The following PRKCA variants were observed in gnomAD, a reference collection of about 807,000 sequenced individuals.
The protein encoded by PRKCA is protein kinase C alpha type.
A neutral mutation model predicts 87.0 loss-of-function variants in PRKCA; 27 were observed. The ratio of observed to expected loss-of-function variants is 0.31; its 90% CI spans 0.23 to 0.43. The LOEUF (loss-of-function observed/expected upper bound fraction) is 0.43, where lower values mean the gene tolerates loss of function less well. Ranked by LOEUF, PRKCA falls within the 20% of genes least tolerant of loss-of-function variation. The pLI is 1.00. For synonymous variants in PRKCA, 329 were observed against 311.1 expected, an observed-to-expected ratio of 1.06 and a Z score of -0.61; for missense variants, 518 against 852.3, an observed-to-expected ratio of 0.61 and a Z score of 4.88.
chr17:66,671,596 G>A (rs931848620), intron 5 of PRKCA, among the ~76,000 whole-genome samples: 3 of 150,170 alleles, frequency 2.0e-5, no homozygotes, highest in African/African-American at 4.9e-5. Context: ...AAAGTTCAGC[G>A]ATATCCTATG....
intron 1 of PRKCA, among the ~76,000 whole-genome samples, chr17:66,303,486 G>A (rs1254855257): frequency 1.0e-5 from 1 of 95,938 alleles, no homozygotes; most frequent in Admixed American, 1.1e-4. Context: ...GGCGAGCCAG[G>A]CTGGGCGCGT....
Position 66,641,392 on chromosome 17 carries a change from A to C in PRKCA, c.326A>C (p.Tyr109Ser). The change falls in exon 4 of 17, where the codon TAC becomes TCC. Residue 109 changes from tyrosine (Y) to serine (S), a missense_variant. Transcript: ENST00000413366. ...RSKHKFKIHT[Y>S]GSPTFCDHCG... ...AAGCACAAGTTCAAAATCCACACTT[A>C]CGGAAGCCCCACCTTCTGCGATCAC... is the stretch of plus-strand genomic sequence containing the variant. The C allele has an allele frequency of 6.2e-7, 1 of 1,612,646 alleles. No individual in the cohort carries two copies. The highest frequency in any genetic ancestry group is 8.5e-7 in the Non-Finnish European group (1 of 1,179,206).
intron 2 of PRKCA, among the ~76,000 whole-genome samples, chr17:66,442,998 G>A (rs900436508): frequency 1.3e-5 from 2 of 152,106 alleles, no homozygotes; most frequent in African/African-American, 2.4e-5. Flanking sequence ...CCTGGCCATC[G>A]TCCCTTTTTT....
intron 3 of PRKCA, among the ~76,000 whole-genome samples, chr17:66,607,389 C>T (rs1360859010): frequency 6.6e-6 from 1 of 152,212 alleles, no homozygotes; most frequent in Admixed American, 6.5e-5. Flanking sequence ...CTTTTAAAAG[C>T]TTGTCCTTTT....
At chr17:66,796,805 G>A (rs1030031969) in intron 16 of PRKCA, 20 of 985,188 alleles carry the variant, frequency 2.0e-5, no homozygotes, top group East Asian at 1.1e-4. Context: ...TTGCTAAGGC[G>A]CTCCACTGTA....
intron 6 of PRKCA, among the ~76,000 whole-genome samples, chr17:66,687,490 A>C (rs1478665188): frequency 1.3e-5 from 2 of 152,206 alleles, no homozygotes; most frequent in Non-Finnish European, 2.9e-5. Context: ...GATTATTATT[A>C]TCTAATCTGG....
chr17:66,672,357 T>G (rs762794601), intron 5 of PRKCA, among the ~76,000 whole-genome samples: 4 of 152,198 alleles, frequency 2.6e-5, no homozygotes, highest in Admixed American at 6.5e-5. Context: ...GGAAAAAAAA[T>G]TTAACCTCAA....
At chr17:66,478,931 A>T (rs144122022) in intron 2 of PRKCA, among the ~76,000 whole-genome samples, 61 of 152,228 alleles carry the variant, frequency 4.0e-4, no homozygotes, top group African/African-American at 1.4e-3. Context: ...TCTGGAAGAC[A>T]ACCTAGGCAA....
chr17:66,374,895 T>A lies in PRKCA; in HGVS notation c.205+68768T>A, dbSNP rs562716930. 2.0e-5 allele frequency among the ~76,000 whole-genome samples: 3 copies of A among 151,908 alleles called. No individual in the cohort carries two copies. In the East Asian group the frequency reaches 5.8e-4, roughly 30 times the overall value. On this transcript the variant is annotated intron_variant, in intron 2 of 16. Transcript: ENST00000413366. ...GGCACTTGCCACCATGCCTGGCCAA[T>A]TTTTTATTTGTATTTTTAGTAGAGA...
intron 3 of PRKCA, among the ~76,000 whole-genome samples, chr17:66,558,081 C>T (rs150738083): frequency 9.5e-4 from 145 of 152,346 alleles, no homozygotes; most frequent in African/African-American, 3.4e-3. Context: ...CTAGCCAATA[C>T]GGGAATAGCT....
At chr17:66,474,852 G>A (rs1009564375) in intron 2 of PRKCA, among the ~76,000 whole-genome samples, 4 of 152,172 alleles carry the variant, frequency 2.6e-5, no homozygotes, top group African/African-American at 9.7e-5. Flanking sequence ...GCTTTCACCA[G>A]TATTCACATG....
At chr17:66,730,688 T>C (rs1328162885) in intron 8 of PRKCA, among the ~76,000 whole-genome samples, 1 of 152,246 alleles carries the variant, frequency 6.6e-6, no homozygotes, top group African/African-American at 2.4e-5. Flanking sequence ...TTGTTGATTT[T>C]GGCGGGTTTT....
intron 2 of PRKCA, among the ~76,000 whole-genome samples, chr17:66,309,095 A>C (rs1266580384): frequency 6.6e-6 from 1 of 152,184 alleles, no homozygotes; most frequent in Non-Finnish European, 1.5e-5. Context: ...TTTGGTTAGT[A>C]GGTAAAATAT....
At chr17:66,747,356 C>CTT (rs1252463145) in intron 13 of PRKCA, among the ~76,000 whole-genome samples, 1 of 152,242 alleles carries the variant, frequency 6.6e-6, no homozygotes, top group African/African-American at 2.4e-5. Context: ...CAGGCCTGAG[C>CTT]CACTGTGCCC....
At chr17:66,640,530 A>T (rs1393061980) in intron 3 of PRKCA, among the ~76,000 whole-genome samples, 1 of 152,172 alleles carries the variant, frequency 6.6e-6, no homozygotes, top group East Asian at 1.9e-4. Context: ...AATACTTTGG[A>T]GATGGTGCAG....
chr17:66,381,391 G>A (rs1350744855), intron 2 of PRKCA, among the ~76,000 whole-genome samples: 1 of 152,158 alleles, frequency 6.6e-6, no homozygotes, highest in Non-Finnish European at 1.5e-5. Flanking sequence ...TTGTTTGGAT[G>A]GATGACCTGT....
chr17:66,645,324 T>G (rs1971421935), intron 4 of PRKCA, 59 bp from the exon 5 acceptor site: 1 of 1,609,882 alleles, frequency 6.2e-7, no homozygotes, highest in African/African-American at 1.3e-5. Flanking sequence ...ACCAAAACAC[T>G]GAGGAGCGGT....
intron 2 of PRKCA, among the ~76,000 whole-genome samples, chr17:66,447,996 A>G (rs1341794163): frequency 6.6e-6 from 1 of 152,164 alleles, no homozygotes; most frequent in Non-Finnish European, 1.5e-5. Flanking sequence ...GTGGGTATCG[A>G]CAGGTAAGAC....
chr17:66,341,357 G>A (rs1180115099), intron 2 of PRKCA, among the ~76,000 whole-genome samples: 1 of 152,116 alleles, frequency 6.6e-6, no homozygotes, highest in East Asian at 1.9e-4. Context: ...TCTCTAAGGT[G>A]CAAATTTTGA....
Sources: allele counts gnomAD v4.1 joint callset (sites outside exome capture counted in the v4.1 genomes callset), GRCh38; gene constraint gnomAD v4.1.1; transcripts MANE v1.5; gene names NCBI Gene and HGNC (gene_info 2026-07-23, HGNC 2026-07-21).